ANXA8: variants seen among roughly 807,000 people sequenced by gnomAD.
The protein encoded by ANXA8 is VAC-beta.
A neutral mutation model predicts 26.8 loss-of-function variants in ANXA8; 9 were observed. The ratio of observed to expected loss-of-function variants is 0.34; its 90% CI spans 0.20 to 0.59. The LOEUF (loss-of-function observed/expected upper bound fraction) is 0.59. Ranked by LOEUF, ANXA8 falls within the 20% of genes least tolerant of loss-of-function variation. ANXA8 has a pLI of 0.84. For synonymous variants in ANXA8, 39 were observed against 94.8 expected (o/e 0.41, Z 3.42); for missense variants, 83 against 238.5 (o/e 0.35, Z 4.29).
chr10:47,737,030 T>C, the ANXA8 span, among the ~76,000 whole-genome samples: 2 of 150,842 alleles, frequency 1.3e-5, no homozygotes, highest in Admixed American at 6.7e-5. Flanking sequence ...AGTTTGCTTT[T>C]TCATATTTTA....
chr10:47,557,777 T>TA, the ANXA8 span, among the ~76,000 whole-genome samples: 3,371 of 137,838 alleles, frequency 0.024, 162 homozygotes, highest in African/African-American at 0.08. Flanking sequence ...TGATTAATTA[T>TA]AAAAAAAAAA....
chr10:47,954,503 AG>A, the ANXA8 span, among the ~76,000 whole-genome samples: 1 of 151,050 alleles, frequency 6.6e-6, no homozygotes, highest in African/African-American at 2.4e-5. Flanking sequence ...CAGGTTGGCC[AG>A]TCAACAATAA....
the ANXA8 span, among the ~76,000 whole-genome samples, chr10:47,678,751 C>T: frequency 2.0e-5 from 3 of 151,620 alleles, no homozygotes; most frequent in African/African-American, 4.8e-5. Context: ...TAGGAAACAG[C>T]GTCTGGGTGG....
the ANXA8 span, among the ~76,000 whole-genome samples, chr10:47,597,183 G>A: frequency 6.7e-6 from 1 of 149,074 alleles, no homozygotes; most frequent in Admixed American, 6.6e-5. Context: ...AACAGATGCA[G>A]GTAAAACATT....
chr10:47,976,544 T>TACAC, the ANXA8 span, among the ~76,000 whole-genome samples: 32,527 of 131,240 alleles, frequency 0.25, 2,936 homozygotes, highest in South Asian at 0.42. Context: ...CCTCTGTCTT[T>TACAC]ACACACACAC....
the ANXA8 span, chr10:47,549,237 C>G: frequency 7.4e-7 from 1 of 1,352,032 alleles, no homozygotes; most frequent in Non-Finnish European, 1.0e-6. Context: ...CCCTTCATCA[C>G]GGGGTAAATA....
the ANXA8 span, among the ~76,000 whole-genome samples, chr10:47,955,447 T>C: frequency 7.0e-4 from 104 of 149,246 alleles, 7 homozygotes; most frequent in East Asian, 0.02. Context: ...ACCTAAATGG[T>C]ACAGCCCATT....
the ANXA8 span, among the ~76,000 whole-genome samples, chr10:47,709,634 G>GA: frequency 7.4e-6 from 1 of 134,348 alleles, no homozygotes; most frequent in Non-Finnish European, 1.5e-5. Context: ...TGAGCTCAGG[G>GA]AAAAAAGCAG....
the ANXA8 span, among the ~76,000 whole-genome samples, chr10:47,743,099 A>G: frequency 2.2e-5 from 3 of 136,660 alleles, no homozygotes; most frequent in Non-Finnish European, 4.6e-5. Flanking sequence ...TGAACCCGGG[A>G]GGCGGAGCTT....
the ANXA8 span, among the ~76,000 whole-genome samples, chr10:47,982,801 C>CACAT: frequency 7.7e-5 from 1 of 12,956 alleles, no homozygotes. Flanking sequence ...ATTTGCAAAT[C>CACAT]ATATATATAT....
chr10:47,720,960 A>G, the ANXA8 span, among the ~76,000 whole-genome samples: 1 of 136,406 alleles, frequency 7.3e-6, no homozygotes, highest in Non-Finnish European at 1.6e-5. Flanking sequence ...CAGCCTGGGA[A>G]ACATAGGGAA....
At chr10:47,638,971 A>G in the ANXA8 span, among the ~76,000 whole-genome samples, 1 of 149,410 alleles carries the variant, frequency 6.7e-6, no homozygotes. Context: ...TAAAATTATA[A>G]TTTGAAATTT....
chr10:47,501,038 T>A, the ANXA8 span, among the ~76,000 whole-genome samples: 1 of 143,348 alleles, frequency 7.0e-6, no homozygotes, highest in South Asian at 2.2e-4. Flanking sequence ...GGACTACAGG[T>A]GCCCGCCACC....
chr10:47,941,150 G>A, the ANXA8 span, among the ~76,000 whole-genome samples: 78 of 145,842 alleles, frequency 5.3e-4, 2 homozygotes, highest in African/African-American at 1.9e-3. Context: ...ATATTCCTGT[G>A]CAAATATGCA....
At chr10:47,958,569 C>T in the ANXA8 span, among the ~76,000 whole-genome samples, 1 of 148,234 alleles carries the variant, frequency 6.7e-6, no homozygotes, top group Non-Finnish European at 1.5e-5. Flanking sequence ...GTGCCTTCCA[C>T]TGATGGCTTC....
the ANXA8 span, among the ~76,000 whole-genome samples, chr10:47,703,609 C>T: frequency 6.6e-6 from 1 of 151,158 alleles, no homozygotes; most frequent in Non-Finnish European, 1.5e-5. Context: ...TAGAGAATTA[C>T]CATCAGGCAG....
chr10:47,484,543 C>T (rs1304094827), upstream of ANXA8: 1 of 1,469,910 alleles, frequency 6.8e-7, no homozygotes, highest in Non-Finnish European at 9.1e-7. Flanking sequence ...TACAGCATGC[C>T]ATACTGGTCC....
the ANXA8 span, among the ~76,000 whole-genome samples, chr10:47,507,069 GA>G: frequency 1.1e-4 from 15 of 134,170 alleles, no homozygotes; most frequent in Non-Finnish European, 9.5e-5. Flanking sequence ...TTTTGTTGTA[GA>G]AAAGTTTTTT....
chr10:47,680,178 TG>T, the ANXA8 span, among the ~76,000 whole-genome samples: 1 of 151,588 alleles, frequency 6.6e-6, no homozygotes, highest in South Asian at 2.1e-4. Flanking sequence ...TTAGCCAGGC[TG>T]GTCTCAAACT....
Sources: allele counts gnomAD v4.1 joint callset (sites outside exome capture counted in the v4.1 genomes callset), GRCh38; gene constraint gnomAD v4.1.1; transcripts MANE v1.5; gene names NCBI Gene and HGNC (gene_info 2026-07-23, HGNC 2026-07-21).